Variants in ARHGAP24 observed in about 807,000 individuals in gnomAD.
ARHGAP24 encodes the protein Rho GTPase activating protein 24.
Under a neutral mutation model 76.4 loss-of-function variants are expected in ARHGAP24, and 50 were observed. The ratio of observed to expected loss-of-function variants is 0.65; its 90% CI spans 0.52 to 0.83. The LOEUF (loss-of-function observed/expected upper bound fraction) is 0.83. Ranked by LOEUF, ARHGAP24 falls within the 40% of genes least tolerant of loss-of-function variation. ARHGAP24 has a pLI of 0.00. For synonymous variants in ARHGAP24, 345 were observed against 323.3 expected, an observed-to-expected ratio of 1.07 and a Z score of -0.72; for missense variants, 930 against 914.2, an observed-to-expected ratio of 1.02 and a Z score of -0.22.
chr4:85,521,986 T>G (rs1724787280), intron 1 of ARHGAP24, among the ~76,000 whole-genome samples: 1 of 152,206 alleles, frequency 6.6e-6, no homozygotes, highest in African/African-American at 2.4e-5. Context: ...GTTTGATGCC[T>G]GTTTTGTAGA....
intron 3 of ARHGAP24, among the ~76,000 whole-genome samples, chr4:85,918,202 A>G (rs112946397): frequency 1.3e-5 from 2 of 152,214 alleles, no homozygotes; most frequent in African/African-American, 4.8e-5. Flanking sequence ...TCAATCTAGT[A>G]TCTTATTTTT....
intron 2 of ARHGAP24, among the ~76,000 whole-genome samples, chr4:85,589,139 G>T (rs1727984405): frequency 1.3e-5 from 2 of 152,288 alleles, no homozygotes; most frequent in East Asian, 1.9e-4. Flanking sequence ...GTGGGTATTT[G>T]CATGTAGGTG....
At chr4:85,834,301 T>C (rs1016019924) in intron 3 of ARHGAP24, among the ~76,000 whole-genome samples, 2 of 152,212 alleles carry the variant, frequency 1.3e-5, no homozygotes, top group African/African-American at 4.8e-5. Context: ...TTCTTCCTCA[T>C]AGTAGGTCCT....
At chr4:85,495,054 C>T (rs966114765) in intron 1 of ARHGAP24, among the ~76,000 whole-genome samples, 14 of 146,258 alleles carry the variant, frequency 9.6e-5, no homozygotes, top group African/African-American at 3.6e-4. Context: ...GAGATCGCGC[C>T]ACTGCACTCC....
intron 4 of ARHGAP24, chr4:85,930,248 A>T (rs1736252003): frequency 1.0e-6 from 1 of 985,298 alleles, no homozygotes. Flanking sequence ...TGGGCACTCG[A>T]CTGTTCTGAC....
intron 3 of ARHGAP24, among the ~76,000 whole-genome samples, chr4:85,867,863 CAT>C (rs901896322): frequency 1.3e-4 from 19 of 143,182 alleles, no homozygotes; most frequent in African/African-American, 1.8e-4. Context: ...TTATATATAA[CAT>C]ATATATATAA....
intron 2 of ARHGAP24, among the ~76,000 whole-genome samples, chr4:85,592,478 TACAA>T (rs1467430340): frequency 1.3e-5 from 2 of 152,246 alleles, no homozygotes; most frequent in Non-Finnish European, 2.9e-5. Flanking sequence ...GTCTTTGTGT[TACAA>T]ACAATCTAAT....
At chr4:85,506,743 G>A (rs1724067346) in intron 1 of ARHGAP24, among the ~76,000 whole-genome samples, 1 of 152,176 alleles carries the variant, frequency 6.6e-6, no homozygotes, top group South Asian at 2.1e-4. Flanking sequence ...CACCCTCTGT[G>A]GGCTGCACCC....
chr4:85,515,511 T>C (rs895598487), intron 1 of ARHGAP24, among the ~76,000 whole-genome samples: 1 of 151,582 alleles, frequency 6.6e-6, no homozygotes, highest in East Asian at 1.9e-4. Flanking sequence ...TATATTCTTA[T>C]TCTTTTTTAT....
intron 3 of ARHGAP24, among the ~76,000 whole-genome samples, chr4:85,920,132 T>A (rs184825155): frequency 6.6e-6 from 1 of 152,358 alleles, no homozygotes; most frequent in African/African-American, 2.4e-5. Flanking sequence ...ACTTATTAGA[T>A]TTAATATCTC....
chr4:85,835,389 G>A (rs1168988287), intron 3 of ARHGAP24, among the ~76,000 whole-genome samples: 2 of 151,598 alleles, frequency 1.3e-5, no homozygotes. Flanking sequence ...GAAACCCCGC[G>A]TCTCTACTAA....
intron 3 of ARHGAP24, among the ~76,000 whole-genome samples, chr4:85,913,631 G>A (rs1046308713): frequency 6.6e-6 from 1 of 152,054 alleles, no homozygotes; most frequent in Non-Finnish European, 1.5e-5. Flanking sequence ...ATTCACTGCT[G>A]TATCCTCAGA....
intron 3 of ARHGAP24, among the ~76,000 whole-genome samples, chr4:85,728,969 A>G (rs1725284186): frequency 1.3e-5 from 2 of 152,200 alleles, no homozygotes; most frequent in African/African-American, 2.4e-5. Flanking sequence ...TTTTAGCATC[A>G]AGTTTAGTCA....
chr4:85,850,328 T>C (rs1213749840), intron 3 of ARHGAP24, among the ~76,000 whole-genome samples: 8 of 152,186 alleles, frequency 5.3e-5, no homozygotes, highest in Non-Finnish European at 1.2e-4. Flanking sequence ...ATCTATTTGA[T>C]TCTTCTCTCT....
intron 2 of ARHGAP24, among the ~76,000 whole-genome samples, chr4:85,576,229 A>G (rs922500519): frequency 7.2e-5 from 11 of 152,224 alleles, no homozygotes; most frequent in African/African-American, 2.4e-4. Context: ...GATCGAGACT[A>G]TCCTGGCTAA....
rs1234687349 is a variant in ARHGAP24, at chr4:85,845,893, T to TTTTTTC, written c.269-77737_269-77732dup. On this transcript the variant is annotated intron_variant, in intron 3 of 9. Transcript: ENST00000395184. ...GTTGTTTAAATTTAAGAATATAATT[T>TTTTTTC]TTTTTCTTTTTCTTTTTCTTTTTTC... Among the ~76,000 whole-genome samples, 6 of 152,266 alleles carry TTTTTTC rather than the reference T, an allele frequency of 3.9e-5. No individual in the cohort carries two copies. In the East Asian group the frequency reaches 1.2e-3, roughly 29 times the overall value.
At chr4:85,990,819 A>G (rs994298388) in intron 8 of ARHGAP24, 2 of 152,010 alleles carry the variant, frequency 1.3e-5, no homozygotes, top group African/African-American at 2.4e-5. Flanking sequence ...TATAAGATAT[A>G]TAGAAGAAAA....
At chr4:85,848,846 G>A (rs1300389396) in intron 3 of ARHGAP24, among the ~76,000 whole-genome samples, 1 of 152,142 alleles carries the variant, frequency 6.6e-6, no homozygotes, top group African/African-American at 2.4e-5. Context: ...TTTGGTTACT[G>A]TAGCCTTGTA....
chr4:85,878,595 T>G (rs772028109), intron 3 of ARHGAP24, among the ~76,000 whole-genome samples: 10 of 152,172 alleles, frequency 6.6e-5, no homozygotes, highest in Non-Finnish European at 1.2e-4. Flanking sequence ...TGAAGTGACA[T>G]TAAATTATAT....
Sources: gnomAD v4.1 joint callset for allele counts (sites outside exome capture counted in the v4.1 genomes callset) on GRCh38, gnomAD v4.1.1 for gene constraint, MANE v1.5 for transcripts, NCBI Gene and HGNC (gene_info 2026-07-23, HGNC 2026-07-21) for gene names.